The following ARHGEF1 variants were observed in gnomAD, a reference collection of about 807,000 sequenced individuals.
ARHGEF1 encodes the protein 115 kDa guanine nucleotide exchange factor.
ARHGEF1 carries 40 observed loss-of-function variants against 119.7 expected under a neutral mutation model. That is an observed-to-expected ratio of 0.33 (90% CI 0.26 to 0.44). The LOEUF is 0.44. Ranked by LOEUF, ARHGEF1 falls within the 20% of genes least tolerant of loss-of-function variation. The pLI, the probability that ARHGEF1 is intolerant of heterozygous loss-of-function variation, is 1.00. For missense variants in ARHGEF1, 976 were observed against 1,268.3 expected, an observed-to-expected ratio of 0.77 and a Z score of 3.50; for synonymous variants, 494 against 521.0, an observed-to-expected ratio of 0.95 and a Z score of 0.71.
Position 41,906,531 on chromosome 19 carries a change from G to T in ARHGEF1, c.2566G>T (p.Val856Phe), listed in dbSNP as rs1599667062. The T allele has an allele frequency of 6.3e-7, 1 of 1,582,444 alleles. No homozygotes were observed. The highest frequency in any genetic ancestry group is 8.5e-7 in the Non-Finnish European group (1 of 1,172,036). The change falls in exon 27 of 29, where the codon GTC (valine) becomes TTC (phenylalanine). Residue 856 changes from valine to phenylalanine, a missense_variant. This residue lies in a region of ARHGEF1 where 171 missense variants were observed against 180.6 expected (regional missense o/e 0.95). Transcript: ENST00000354532. The surrounding 1 kb of genome is among the most constrained non-coding windows in gnomAD (Gnocchi z 4.5). ...GGGGCCTCCTCGAGATGGGGATGGG[G>T]TCCCAGGGGGCGGCCCCCTGAGCCC... is the stretch of plus-strand genomic sequence containing the variant. The part of the protein sequence containing the change: ...GAGPPRDGDG[V>F]PGGGPLSPAR...
chr19:41,917,664 A>G lies in ARHGEF1; in HGVS notation c.1866-5428A>G, dbSNP rs2074810265. Among the ~76,000 whole-genome samples the G allele has an allele frequency of 6.6e-6, 1 of 151,400 alleles. No homozygotes were observed. Among genetic ancestry groups the G allele is most frequent in the African/African-American group, 2.4e-5 (1 of 41,054 alleles). On this transcript the variant is annotated intron_variant, in intron 18 of 20. Transcript: ENST00000599589. The surrounding 1 kb of genome is among the most constrained non-coding windows in gnomAD (Gnocchi z 4.8). ...AAAGCACACGCACGCACGCACACACACACCCTGACTGCACCCACCCATGGC... is the reference window on the plus strand; with the variant it reads ...AAAGCACACGCACGCACGCACACACGCACCCTGACTGCACCCACCCATGGC...
At chr19:41,909,505 G>A, downstream of ARHGEF1, 1 of 1,254,298 alleles carries the variant, frequency 8.0e-7, no homozygotes, top group East Asian at 3.1e-5. The surrounding 1 kb of genome is among the most constrained non-coding windows in gnomAD (Gnocchi z 5.2). Flanking sequence ...GGGAGGTGCA[G>A]GGGGAGCCCT....
At chr19:41,919,669 C>T (rs2074825877), upstream of ARHGEF1, among the ~76,000 whole-genome samples, 1 of 152,118 alleles carries the variant, frequency 6.6e-6, no homozygotes, top group Non-Finnish European at 1.5e-5. Context: ...GGCTCTTCCT[C>T]AGCTGCGTCC....
Position 41,905,841 on chromosome 19 carries a change from G to A in ARHGEF1, c.2404+14G>A. The A allele has an allele frequency of 1.9e-6, 3 of 1,614,150 alleles. No homozygotes were observed. The highest frequency in any genetic ancestry group is 2.5e-6 in the Non-Finnish European group (3 of 1,180,004). ...CTCCAGCTGATGGTGAGACCAGAGG[G>A]ATGCTGGGTGAGGGGCCAGGTTGGG... On this transcript the variant is annotated intron_variant, in intron 25 of 28. Coordinates refer to ENST00000354532, the MANE Select transcript of ARHGEF1 (RefSeq NM_004706.4). This position sits in a 1 kb window ranked among gnomAD's most constrained non-coding sequence, Gnocchi z 6.4.
upstream of ARHGEF1, among the ~76,000 whole-genome samples, chr19:41,922,374 G>C (rs1426448374): frequency 1.3e-5 from 2 of 152,222 alleles, no homozygotes; most frequent in Non-Finnish European, 1.5e-5. Context: ...AAGAGACAGG[G>C]TCAGAGGGCT....
At position 41,902,318 on chromosome 19, in the gene ARHGEF1, T is replaced by A; in HGVS notation, c.1459T>A (p.Tyr487Asn). The change falls in exon 16 of 29, where the codon TAC becomes AAC. Residue 487 changes from tyrosine (Y) to asparagine (N), a missense_variant. Physicochemically the swap from Tyr to Asn is moderately radical, Grantham distance 143 (BLOSUM62 -2). Coordinates refer to ENST00000354532, the MANE Select transcript of ARHGEF1 (RefSeq NM_004706.4). This position sits in a 1 kb window ranked among gnomAD's most constrained non-coding sequence, Gnocchi z 6.5. ...GATGAAGCGGAGGCAGGAGAGTGGCTACCTCATCGAGGAGATCGGAGACGT... is the reference window on the plus strand; with the variant it reads ...GATGAAGCGGAGGCAGGAGAGTGGCAACCTCATCGAGGAGATCGGAGACGT... ...RLMKRRQESG[Y>N]LIEEIGDVLL... 1.2e-6 allele frequency: 2 copies of A among 1,614,140 alleles called. No homozygotes were observed. Among genetic ancestry groups the A allele is most frequent in the Non-Finnish European group, 1.7e-6 (2 of 1,180,044 alleles).
chr19:41,891,879 AG>A lies in ARHGEF1; in HGVS notation c.226-144del. Reference sequence around the variant, plus strand: ...ACCCAGGGCCTGGCTTTAGGGGTGGAGGTCAGGGAGTGCTTCCCAGAGGAAG... The same window carrying A: ...ACCCAGGGCCTGGCTTTAGGGGTGGAGTCAGGGAGTGCTTCCCAGAGGAAG... On this transcript the variant is annotated intron_variant, in intron 4 of 28. Transcript: ENST00000354532. The A allele has an allele frequency of 4.9e-6, 3 of 618,284 alleles. No individual in the cohort carries two copies. The South Asian group carries it at 6.7e-5, about 14-fold the overall frequency. The allele number at this position is 618,284 out of a possible 1,614,324, so 38.3% of individuals were successfully genotyped here.
At chr19:41,897,545 C>T (rs1374199528) in intron 13 of ARHGEF1, 1 of 261,654 alleles carries the variant, frequency 3.8e-6, no homozygotes, top group African/African-American at 2.4e-5. Flanking sequence ...GGGGGTCAGT[C>T]CTATGCTCCA....
chr19:41,912,019 A>C (rs2074755262), downstream of ARHGEF1, among the ~76,000 whole-genome samples: 1 of 151,998 alleles, frequency 6.6e-6, no homozygotes, highest in African/African-American at 2.4e-5. Flanking sequence ...GCGGAACGCC[A>C]CACAACCCGA....
chr19:41,913,031 G>T lies in ARHGEF1; in HGVS notation c.1865+6228G>T, dbSNP rs552553088. 381 of 450,280 alleles carry T rather than the reference G, an allele frequency of 8.5e-4. 1 individual carries two copies. Among genetic ancestry groups the T allele is most frequent in the Non-Finnish European group, 1.2e-3 (338 of 273,936 alleles). 27.9% of individuals were successfully genotyped at this position (450,280 alleles called of 1,614,324 possible). ...TGCCCGGGGCCTTCCCCTCTCCCAG[G>T]TCCCCACCCCAGCCTGACACCCTCT... is the stretch of plus-strand genomic sequence containing the variant. On this transcript the variant is annotated intron_variant, in intron 18 of 20. Transcript: ENST00000599589.
chr19:41,908,709 A>G, downstream of ARHGEF1: 1 of 1,153,186 alleles, frequency 8.7e-7, no homozygotes, highest in Non-Finnish European at 1.1e-6. This position sits in a 1 kb window ranked among gnomAD's most constrained non-coding sequence, Gnocchi z 6.7. Context: ...AGGCTGGGGC[A>G]CCTGCCTGCC....
chr19:41,919,131 A>G (rs1283616621), upstream of ARHGEF1, among the ~76,000 whole-genome samples: 1 of 151,730 alleles, frequency 6.6e-6, no homozygotes, highest in African/African-American at 2.4e-5. Flanking sequence ...CATCACCCAC[A>G]TACCACACAC....
Position 41,902,187 on chromosome 19 carries a change from G to A in ARHGEF1, c.1415-87G>A. On this transcript the variant is annotated intron_variant, in intron 15 of 28. Coordinates refer to ENST00000354532, the MANE Select transcript of ARHGEF1 (RefSeq NM_004706.4). The surrounding 1 kb of genome is among the most constrained non-coding windows in gnomAD (Gnocchi z 6.5). The stretch of plus-strand genomic sequence containing the variant: ...CCGAGGATCAGACACAGACACACCT[G>A]CAGCCCTACCCCCACCACACCGCAG... 1 of 1,571,142 alleles carries A rather than the reference G, an allele frequency of 6.4e-7. No individual in the cohort carries two copies. Among genetic ancestry groups the A allele is most frequent in the Non-Finnish European group, 8.7e-7 (1 of 1,146,974 alleles).
intron 1 of ARHGEF1, among the ~76,000 whole-genome samples, chr19:41,927,338 G>A (rs547236253): frequency 2.6e-5 from 4 of 152,160 alleles, no homozygotes; most frequent in Admixed American, 2.6e-4. Context: ...CCCAGAATTG[G>A]CCCAAATGTC....
chr19:41,905,624 C>A lies in ARHGEF1; in HGVS notation c.2337-136C>A. 1.2e-6 allele frequency: 1 copy of A among 854,580 alleles called. No homozygotes were observed. The highest frequency in any genetic ancestry group is 1.8e-6 in the Non-Finnish European group (1 of 552,298). 52.9% of individuals were successfully genotyped at this position (854,580 alleles called of 1,614,324 possible). On this transcript the variant is annotated intron_variant, in intron 24 of 28. Coordinates refer to ENST00000354532, the MANE Select transcript of ARHGEF1 (RefSeq NM_004706.4). This position sits in a 1 kb window ranked among gnomAD's most constrained non-coding sequence, Gnocchi z 6.4. ...TCTTCCATTGTCTGGGCCTCTCTGT[C>A]TCCCTGTCTCCCGGCCTCGACCTCT...
rs144075269 is a variant in ARHGEF1 at position 41,904,180 on chromosome 19, CG to C, written c.1994-31del. 3.4e-4 allele frequency: 554 copies of C among 1,612,342 alleles called. 4 individuals carry two copies. The East Asian group carries it at 0.011, about 32-fold the overall frequency. ...AGCCAAGGGCGGGGAGGGGGTCGCG[CG>C]GGGGCACGCCGTGTGAGCACTGCTC... On this transcript the variant is annotated intron_variant, in intron 21 of 28. Transcript: ENST00000354532. The surrounding 1 kb of genome is among the most constrained non-coding windows in gnomAD (Gnocchi z 8.4).
chr19:41,925,269 C>G (rs1412254832), intron 1 of ARHGEF1, among the ~76,000 whole-genome samples: 2 of 151,924 alleles, frequency 1.3e-5, no homozygotes, highest in Non-Finnish European at 2.9e-5. Flanking sequence ...CAGGGGGTTA[C>G]TGGTGTGACC....
chr19:41,903,998 G>A lies in ARHGEF1; in HGVS notation c.1918-37G>A. The A allele has an allele frequency of 6.3e-7, 1 of 1,583,046 alleles. No homozygotes were observed. Among genetic ancestry groups the A allele is most frequent in the Non-Finnish European group, 8.7e-7 (1 of 1,154,272 alleles). On this transcript the variant is annotated intron_variant, in intron 20 of 28. Transcript: ENST00000354532. This position sits in a 1 kb window ranked among gnomAD's most constrained non-coding sequence, Gnocchi z 4.2. ...TCCCCACCAACCCCAATCACCCCCT[G>A]CCAACCTGCACAAACCATCACCCCC...
In ARHGEF1 at chr19:41,906,102, C is replaced by T. The variant is rs2074690844; in HGVS notation, c.2491+77C>T. The T allele has an allele frequency of 4.3e-6, 6 of 1,411,216 alleles. No homozygotes were observed. Among genetic ancestry groups the T allele is most frequent in the South Asian group, 2.3e-5 (2 of 85,512 alleles). The allele number at this position is 1,411,216 out of a possible 1,614,324, so 87.4% of individuals were successfully genotyped here. A position where few individuals can be genotyped will look rare whatever the true frequency, so the allele number is the denominator to read the frequency against. ...GTTCCAACTAGAACAAGGCTCTCCA[C>T]GTCAAAAATTTCCTTACGCCCAGCT... On this transcript the variant is annotated intron_variant, in intron 26 of 28. Transcript: ENST00000354532. The surrounding 1 kb of genome is among the most constrained non-coding windows in gnomAD (Gnocchi z 4.5).
Sources: allele counts gnomAD v4.1 joint callset (sites outside exome capture counted in the v4.1 genomes callset), GRCh38; gene constraint gnomAD v4.1.1; regional missense constraint gnomAD v4.1.1; non-coding constraint Gnocchi (gnomAD v3.1); transcripts MANE v1.5; gene names NCBI Gene and HGNC (gene_info 2026-07-23, HGNC 2026-07-21).